GSTZ1: variants seen among roughly 807,000 people sequenced by gnomAD.
GSTZ1 encodes the protein glutathione S-transferase zeta 1, also known as maleylacetoacetate isomerase.
In GSTZ1, 34 loss-of-function variants were observed where a neutral mutation model predicts 35.9. The ratio of observed to expected loss-of-function variants is 0.95; its 90% CI spans 0.72 to 1.26. The LOEUF (loss-of-function observed/expected upper bound fraction) is 1.26. Ranked by LOEUF, GSTZ1 falls within the 50% of genes most tolerant of loss-of-function variation. The pLI is 0.00. For missense variants in GSTZ1, 263 were observed against 271.7 expected (o/e 0.97, Z 0.23); for synonymous variants, 93 against 101.2 (o/e 0.92, Z 0.49).
intron 3 of GSTZ1, 47 bp from the exon 4 acceptor site, chr14:77,327,425 C>A: frequency 1.6e-6 from 2 of 1,254,398 alleles, no homozygotes; most frequent in Non-Finnish European, 1.2e-6. Context: ...TTTCCTCTGG[C>A]CAACTCAGGC....
chr14:77,321,398 G>A (rs1168858401), intron 1 of GSTZ1: 1 of 1,529,648 alleles, frequency 6.5e-7, no homozygotes, highest in Non-Finnish European at 8.7e-7. Flanking sequence ...GGTCCTGGTA[G>A]GGAGTGCGTA....
chr14:77,329,317 C>T (rs8177568), intron 6 of GSTZ1, 116 bp downstream of exon 6: 17,724 of 763,762 alleles, frequency 0.023, 297 homozygotes, highest in Middle Eastern at 0.058. Context: ...CTGACAGTTG[C>T]ATGGATGAGG....
chr14:77,327,378 G>A (rs1892374170), intron 3 of GSTZ1, 94 bp from the exon 4 acceptor site: 2 of 742,418 alleles, frequency 2.7e-6, no homozygotes, highest in South Asian at 1.5e-5. Context: ...GGAGATGGGG[G>A]TGGGTGGCAG....
intron 8 of GSTZ1, among the ~76,000 whole-genome samples, chr14:77,330,654 C>A (rs1892577510): frequency 6.6e-6 from 1 of 152,216 alleles, no homozygotes; most frequent in South Asian, 2.1e-4. Flanking sequence ...TGTGGTGTGT[C>A]TGTGAGCAGT....
In GSTZ1 at chr14:77,324,349, G is replaced by A; in HGVS notation, c.16-521G>A. On this transcript the variant is annotated intron_variant, in intron 1 of 8. Coordinates refer to ENST00000216465, the MANE Select transcript of GSTZ1 (RefSeq NM_145870.3). ...TTCAGTAGAGACAGGGTTTCACCAT[G>A]TTGGCCAGGCTGGTCTCAAACTCCT... 5.7e-6 allele frequency: 3 copies of A among 524,174 alleles called. 1 individual carries two copies. The South Asian group carries it at 6.4e-5, about 11-fold the overall frequency. 32.5% of individuals were successfully genotyped at this position (524,174 alleles called of 1,614,324 possible).
rs750803454 is a variant in GSTZ1, at chr14:77,330,334, G to T, written c.499G>T (p.Val167Leu). Residue 167 changes from valine (V) to leucine (L), a missense_variant, in exon 8 of 9, where the codon GTG (valine) becomes TTG (leucine). By Grantham distance (32) the Val-to-Leu change is conservative (BLOSUM62 1). Coordinates refer to ENST00000216465, the MANE Select transcript of GSTZ1 (RefSeq NM_145870.3). ...DEVTMADLCL[V>L]PQVANAERFK... The stretch of plus-strand genomic sequence containing the variant: ...GGTGACCATGGCTGATCTGTGCTTG[G>T]TGCCTCAGGTGGCAAATGCTGAAAG... 1.9e-6 allele frequency: 3 copies of T among 1,613,784 alleles called. No homozygotes were observed. Among genetic ancestry groups the T allele is most frequent in the Non-Finnish European group, 2.5e-6 (3 of 1,179,768 alleles).
In GSTZ1 at chr14:77,331,174, AC is replaced by A; in HGVS notation, c.633del (p.Thr212LeufsTer3). ...VSHPCRQPDT[P>X]TELRA Reference sequence around the variant, plus strand: ...CTCACCCCTGCCGGCAGCCAGATACACCCACTGAGCTGAGGGCCTAGCTCCC... The same window carrying A: ...CTCACCCCTGCCGGCAGCCAGATACACCACTGAGCTGAGGGCCTAGCTCCC... On this transcript the variant is annotated frameshift_variant, in exon 9 of 9. Coordinates refer to ENST00000216465, the MANE Select transcript of GSTZ1 (RefSeq NM_145870.3). LOFTEE classifies it high-confidence loss of function. 1 of 1,613,818 alleles carries A rather than the reference AC, an allele frequency of 6.2e-7. No homozygotes were observed. Among genetic ancestry groups the A allele is most frequent in the Non-Finnish European group, 8.5e-7 (1 of 1,179,902 alleles).
chr14:77,326,591 G>A (rs962941497), intron 2 of GSTZ1: 7 of 470,748 alleles, frequency 1.5e-5, no homozygotes, highest in Admixed American at 3.3e-5. Flanking sequence ...CATTGGGGGG[G>A]TCCAGATCTT....
At chr14:77,321,575 G>A (rs757691984) in intron 1 of GSTZ1, 30 of 1,206,622 alleles carry the variant, frequency 2.5e-5, no homozygotes, top group Non-Finnish European at 3.1e-5. Context: ...TGACCTTCCA[G>A]TAATGTTTGT....
chr14:77,326,919 GCCCAGA>G lies in GSTZ1; in HGVS notation c.135+17_135+22del. 1.9e-6 allele frequency: 3 copies of G among 1,579,802 alleles called. No homozygotes were observed. Among genetic ancestry groups the G allele is most frequent in the Non-Finnish European group, 2.6e-6 (3 of 1,153,944 alleles). ...GGGGGCCAACAGGTAAGAAGGCTGT[GCCCAGA>G]CCACAATGTGGGAATTGGAGGCCTT... is the stretch of plus-strand genomic sequence containing the variant. On this transcript the variant is annotated intron_variant, in intron 3 of 8. Transcript: ENST00000216465.
At chr14:77,328,186 G>C in intron 5 of GSTZ1, 149 bp downstream of exon 5, 1 of 757,988 alleles carries the variant, frequency 1.3e-6, no homozygotes, top group Non-Finnish European at 2.1e-6. Flanking sequence ...GAAAGAAGGG[G>C]GTGAAGATCG....
chr14:77,324,996 G>T (rs1892246692), intron 2 of GSTZ1, 75 bp downstream of exon 2: 1 of 1,233,718 alleles, frequency 8.1e-7, no homozygotes, highest in Non-Finnish European at 1.2e-6. Flanking sequence ...GTGCAAAGCT[G>T]GCCTGGGATG....
intron 7 of GSTZ1, 46 bp from the exon 8 acceptor site, chr14:77,330,264 C>G (rs750796999): frequency 1.4e-6 from 2 of 1,399,802 alleles, no homozygotes; most frequent in South Asian, 1.2e-5. Context: ...CAGCCACTGA[C>G]TCTGGGGTAT....
chr14:77,322,838 G>C, intron 1 of GSTZ1: 1 of 321,734 alleles, frequency 3.1e-6, no homozygotes, highest in African/African-American at 2.2e-5. Flanking sequence ...GGTAGTACAG[G>C]GATGGCAATA....
rs150236174 is a variant in GSTZ1, at chr14:77,324,869, G to A, written c.16-1G>A. The A allele has an allele frequency of 6.2e-7, 1 of 1,613,860 alleles. No homozygotes were observed. The highest frequency in any genetic ancestry group is 8.5e-7 in the Non-Finnish European group (1 of 1,179,828). On this transcript the variant is annotated splice_acceptor_variant, in intron 1 of 8. Transcript: ENST00000216465. LOFTEE classifies it high-confidence loss of function. ...CGCGCCTTCATCCTCTCTCTCCTCAGCCCATCCTCTATTCCTATTTCCGAA... is the reference window on the plus strand; with the variant it reads ...CGCGCCTTCATCCTCTCTCTCCTCAACCCATCCTCTATTCCTATTTCCGAA...
At chr14:77,330,046 C>A in intron 7 of GSTZ1, 1 of 654,974 alleles carries the variant, frequency 1.5e-6, no homozygotes, top group South Asian at 1.7e-5. Flanking sequence ...ATGATGTCTG[C>A]GCAGTCAAGG....
intron 6 of GSTZ1, 152 bp downstream of exon 6, chr14:77,329,353 G>A (rs1892493182): frequency 9.1e-6 from 6 of 658,512 alleles, no homozygotes; most frequent in Non-Finnish European, 1.7e-5. Flanking sequence ...CAATGGGCTG[G>A]GTGGGCATCC....
intron 2 of GSTZ1, chr14:77,326,591 G>T (rs962941497): frequency 8.5e-6 from 4 of 470,748 alleles, no homozygotes. Context: ...CATTGGGGGG[G>T]TCCAGATCTT....
chr14:77,329,756 C>G lies in GSTZ1; in HGVS notation c.423C>G (p.Ala141=). ...AQNAITCGFN[A]LEQILQSTAG... Reference sequence around the variant, plus strand: ...GATGTTTATGTGGCCTCCCCACAGCCCTGGAGCAGATCCTACAGAGCACAG... The same window carrying G: ...GATGTTTATGTGGCCTCCCCACAGCGCTGGAGCAGATCCTACAGAGCACAG... The change falls in exon 7 of 9, where the codon GCC becomes GCG. Residue 141 remains alanine, a splice_region_variant and synonymous_variant. Coordinates refer to ENST00000216465, the MANE Select transcript of GSTZ1 (RefSeq NM_145870.3). 1 of 1,613,070 alleles carries G rather than the reference C, an allele frequency of 6.2e-7. No homozygotes were observed. Among genetic ancestry groups the G allele is most frequent in the Non-Finnish European group, 8.5e-7 (1 of 1,179,044 alleles).
Sources: allele counts gnomAD v4.1 joint callset (sites outside exome capture counted in the v4.1 genomes callset), GRCh38; gene constraint gnomAD v4.1.1; transcripts MANE v1.5; gene names NCBI Gene and HGNC (gene_info 2026-07-23, HGNC 2026-07-21).